Variants in GLT1D1 observed in about 807,000 individuals in gnomAD.
GLT1D1 encodes glycosyltransferase 1 domain containing 1.
In GLT1D1, 21 loss-of-function variants were observed where a neutral mutation model predicts 28.7. The observed-to-expected ratio is 0.73, with a 90% CI of 0.52 to 1.05. The LOEUF (loss-of-function observed/expected upper bound fraction) is 1.05. Ranked by LOEUF, GLT1D1 falls within the 50% of genes least tolerant of loss-of-function variation. GLT1D1 has a pLI of 0.00. For missense variants in GLT1D1, 343 were observed against 330.6 expected (o/e 1.04, Z -0.29); for synonymous variants, 147 against 124.8 (o/e 1.18, Z -1.19).
intron 5 of GLT1D1, 25 bp from the exon 10 acceptor site, chr12:128,947,313 C>T (rs374854067): frequency 5.0e-6 from 8 of 1,613,204 alleles, no homozygotes; most frequent in African/African-American, 4.0e-5. Context: ...GGAATCAGAG[C>T]CACTCTTCCT....
chr12:128,856,539 C>A (rs1036850898), intron 1 of GLT1D1, among the ~76,000 whole-genome samples: 1 of 151,928 alleles, frequency 6.6e-6, no homozygotes, highest in Non-Finnish European at 1.5e-5. Context: ...AAGCTAAGAC[C>A]GAAAAGAGGC....
At chr12:128,893,051 C>T (rs1869241751) in intron 3 of GLT1D1, among the ~76,000 whole-genome samples, 1 of 152,016 alleles carries the variant, frequency 6.6e-6, no homozygotes, top group East Asian at 1.9e-4. Flanking sequence ...TTGAGACCAG[C>T]CTGGCCAACA....
chr12:128,856,534 A>G (rs944756397), intron 1 of GLT1D1, among the ~76,000 whole-genome samples: 4 of 152,166 alleles, frequency 2.6e-5, no homozygotes, highest in South Asian at 2.1e-4. Context: ...CATTGAAGCT[A>G]AGACCGAAAA....
At chr12:128,917,791 A>G (rs1434551406) in intron 4 of GLT1D1, among the ~76,000 whole-genome samples, 1 of 152,254 alleles carries the variant, frequency 6.6e-6, no homozygotes, top group African/African-American at 2.4e-5. Flanking sequence ...CACATCAGTC[A>G]GAATGGCGAT....
intron 4 of GLT1D1, among the ~76,000 whole-genome samples, 161 bp downstream of exon 7, chr12:128,926,615 G>A (rs746572886): frequency 3.3e-5 from 5 of 152,160 alleles, no homozygotes; most frequent in Admixed American, 6.5e-5. Context: ...GAAAAATAAT[G>A]CATGGGATCA....
intron 4 of GLT1D1, 28 bp from the exon 7 acceptor site, chr12:128,926,331 G>T: frequency 2.4e-6 from 3 of 1,263,030 alleles, no homozygotes; most frequent in Non-Finnish European, 3.3e-6. Flanking sequence ...CCTCCCCACT[G>T]AAAACATTCT....
intron 4 of GLT1D1, among the ~76,000 whole-genome samples, chr12:128,902,979 G>C (rs1279604781): frequency 7.3e-5 from 11 of 150,644 alleles, no homozygotes; most frequent in Admixed American, 7.3e-4. Context: ...AGGAGGCCGA[G>C]GTTGAAGTGA....
At chr12:128,867,182 T>C (rs1593052848) in intron 1 of GLT1D1, among the ~76,000 whole-genome samples, 1 of 148,892 alleles carries the variant, frequency 6.7e-6, no homozygotes, top group East Asian at 2.0e-4. Flanking sequence ...TCACCTGAGG[T>C]CAGGAGTTTG....
chr12:128,929,545 T>C (rs1873647460), intron 4 of GLT1D1, among the ~76,000 whole-genome samples: 1 of 152,218 alleles, frequency 6.6e-6, no homozygotes, highest in South Asian at 2.1e-4. Context: ...CTTTCTTATA[T>C]AGTTTTTTGT....
chr12:128,903,864 G>A (rs565222298), intron 4 of GLT1D1, among the ~76,000 whole-genome samples: 7 of 151,892 alleles, frequency 4.6e-5, no homozygotes, highest in African/African-American at 1.7e-4. Flanking sequence ...CTGAGTAGCT[G>A]GGATTACAGG....
chr12:128,931,543 G>A (rs1008660014), intron 4 of GLT1D1, among the ~76,000 whole-genome samples: 1 of 147,526 alleles, frequency 6.8e-6, no homozygotes, highest in Non-Finnish European at 1.5e-5. Context: ...CCTGACCTCC[G>A]GTGATCCGCC....
At position 128,958,361 on chromosome 12, in the gene GLT1D1, C is replaced by T. The variant is rs140079309; in HGVS notation, c.639+718C>T. Among the ~76,000 whole-genome samples the T allele has an allele frequency of 4.7e-4, 72 of 152,200 alleles. 1 individual carries two copies. The East Asian group carries it at 0.012, about 26-fold the overall frequency. ...ACTTGCCTCTTAGAGTTGTGACATG[C>T]GCTGAATGAGTTGATGGCAGAGCTT... On this transcript the variant is annotated intron_variant, in intron 7 of 7. Coordinates refer to ENST00000281703, the MANE Select transcript of GLT1D1 (RefSeq NM_144669.3).
intron 7 of GLT1D1, among the ~76,000 whole-genome samples, chr12:128,964,508 C>T (rs1878268999): frequency 6.6e-6 from 1 of 152,214 alleles, no homozygotes; most frequent in Non-Finnish European, 1.5e-5. Context: ...CAAACATTCA[C>T]CCCACAATAT....
intron 7 of GLT1D1, among the ~76,000 whole-genome samples, chr12:128,958,222 T>C (rs926383301): frequency 1.3e-5 from 2 of 152,152 alleles, no homozygotes; most frequent in African/African-American, 4.8e-5. Flanking sequence ...TTCTGGGGAT[T>C]TGCGGTCCAG....
intron 7 of GLT1D1, among the ~76,000 whole-genome samples, chr12:128,981,345 A>G (rs2135561282): frequency 6.6e-6 from 1 of 152,280 alleles, no homozygotes; most frequent in South Asian, 2.1e-4. Flanking sequence ...GCGGGGAAGG[A>G]GGGGGTTGGG....
chr12:128,969,841 G>A (rs546713351), intron 7 of GLT1D1, among the ~76,000 whole-genome samples: 1 of 152,260 alleles, frequency 6.6e-6, no homozygotes, highest in South Asian at 2.1e-4. Flanking sequence ...CTGGGCCCTC[G>A]CGTGGGTGCA....
intron 1 of GLT1D1, among the ~76,000 whole-genome samples, chr12:128,874,098 T>TTCTCTCTC (rs1263001892): frequency 6.1e-5 from 2 of 33,054 alleles, no homozygotes; most frequent in African/African-American, 1.3e-4. Context: ...CTTTCTTTCT[T>TTCTCTCTC]TCTCTCTCTC....
At chr12:128,882,925 T>C (rs933298164) in intron 2 of GLT1D1, among the ~76,000 whole-genome samples, 1 of 149,348 alleles carries the variant, frequency 6.7e-6, no homozygotes, top group Admixed American at 6.7e-5. Context: ...TATTTATTTA[T>C]ATTTTTAATT....
At chr12:128,915,043 C>T in intron 4 of GLT1D1, 54 bp downstream of exon 6, 6 of 1,363,256 alleles carry the variant, frequency 4.4e-6, no homozygotes, top group Admixed American at 4.0e-5. Context: ...TTGTCAGTTA[C>T]TTTCAGGAGC....
Sources: allele counts gnomAD v4.1 joint callset (sites outside exome capture counted in the v4.1 genomes callset), GRCh38; gene constraint gnomAD v4.1.1; transcripts MANE v1.5; gene names NCBI Gene and HGNC (gene_info 2026-07-23, HGNC 2026-07-21).